DGKB: variants seen among roughly 807,000 people sequenced by gnomAD.
DGKB encodes diacylglycerol kinase beta.
In DGKB, 67 loss-of-function variants were observed where a neutral mutation model predicts 114.3. The observed-to-expected ratio is 0.59, with a 90% confidence interval of 0.48 to 0.72. The LOEUF is 0.72. Ranked by LOEUF, DGKB falls within the 30% of genes least tolerant of loss-of-function variation. The pLI, the probability that DGKB is intolerant of heterozygous loss-of-function variation, is 0.00. For synonymous variants in DGKB, 398 were observed against 323.1 expected (o/e 1.23, Z -2.49); for missense variants, 907 against 975.2 (o/e 0.93, Z 0.93).
At chr7:14,441,757 TTA>T (rs1830117998) in intron 21 of DGKB, among the ~76,000 whole-genome samples, 1 of 152,084 alleles carries the variant, frequency 6.6e-6, no homozygotes, top group African/African-American at 2.4e-5. Flanking sequence ...TTTTGTACTG[TTA>T]TATGTTTTTT....
chr7:14,365,069 G>A (rs17168100), intron 21 of DGKB, among the ~76,000 whole-genome samples: 660 of 150,682 alleles, frequency 4.4e-3, no homozygotes, highest in African/African-American at 9.8e-3. Context: ...GGTTTTTTAC[G>A]TCCTCCTAGA....
chr7:14,630,765 C>T (rs1024583274), intron 13 of DGKB, among the ~76,000 whole-genome samples: 2 of 151,802 alleles, frequency 1.3e-5, no homozygotes, highest in African/African-American at 4.8e-5. Flanking sequence ...AGAATAAAAA[C>T]TATAATTAAA....
intron 23 of DGKB, among the ~76,000 whole-genome samples, chr7:14,294,770 C>T (rs1345724609): frequency 1.3e-5 from 2 of 151,892 alleles, no homozygotes; most frequent in Admixed American, 1.3e-4. Context: ...ATGGGATGGC[C>T]CTGGGGATAT....
At chr7:14,490,560 G>C (rs1784458464) in intron 20 of DGKB, among the ~76,000 whole-genome samples, 1 of 152,110 alleles carries the variant, frequency 6.6e-6, no homozygotes, top group Admixed American at 6.6e-5. Flanking sequence ...CTTACTCACA[G>C]AAATGTGGAT....
intron 21 of DGKB, among the ~76,000 whole-genome samples, chr7:14,404,670 C>T (rs1402167371): frequency 6.6e-6 from 1 of 151,852 alleles, no homozygotes; most frequent in African/African-American, 2.4e-5. Flanking sequence ...TTCTGCATCA[C>T]CTCATCTTGC....
chr7:14,320,235 C>T (rs577673114), intron 23 of DGKB, among the ~76,000 whole-genome samples: 3 of 152,090 alleles, frequency 2.0e-5, no homozygotes, highest in Non-Finnish European at 4.4e-5. Context: ...CATGTCTGAT[C>T]CAGGTGTTCT....
intron 2 of DGKB, among the ~76,000 whole-genome samples, chr7:14,829,015 AAAATAG>A (rs1188148137): frequency 6.6e-6 from 1 of 152,116 alleles, no homozygotes; most frequent in Non-Finnish European, 1.5e-5. Flanking sequence ...ACCTAGAAAA[AAAATAG>A]AAATGGTTCA....
At chr7:14,766,599 AG>A (rs1237675416) in intron 2 of DGKB, among the ~76,000 whole-genome samples, 2 of 151,922 alleles carry the variant, frequency 1.3e-5, no homozygotes, top group African/African-American at 4.8e-5. Flanking sequence ...CCATTAGGAA[AG>A]CAATTATTTA....
At chr7:14,574,834 T>A (rs989502655) in intron 19 of DGKB, among the ~76,000 whole-genome samples, 1 of 152,220 alleles carries the variant, frequency 6.6e-6, no homozygotes. Context: ...TCTAGTGATA[T>A]AAAACTTTCA....
At chr7:14,598,589 T>TCATCAACTCTTTAA (rs1308559378) in intron 17 of DGKB, among the ~76,000 whole-genome samples, 1 of 152,218 alleles carries the variant, frequency 6.6e-6, no homozygotes, top group Admixed American at 6.5e-5. Flanking sequence ...ACACAGATTA[T>TCATCAACTCTTTAA]GTATTCATCA....
intron 21 of DGKB, among the ~76,000 whole-genome samples, chr7:14,406,827 G>A (rs1363618722): frequency 6.6e-6 from 1 of 152,102 alleles, no homozygotes; most frequent in Non-Finnish European, 1.5e-5. Flanking sequence ...ATTTTCTCAA[G>A]TGCTATTGCT....
At chr7:14,645,801 C>T (rs1016762834) in intron 13 of DGKB, among the ~76,000 whole-genome samples, 14 of 151,854 alleles carry the variant, frequency 9.2e-5, no homozygotes, top group African/African-American at 1.9e-4. Flanking sequence ...TGAGGGAATT[C>T]ATCATCACCA....
At chr7:14,963,724 C>A (rs555601311) in intron 1 of DGKB, among the ~76,000 whole-genome samples, 2 of 152,162 alleles carry the variant, frequency 1.3e-5, no homozygotes, top group Non-Finnish European at 2.9e-5. Context: ...TGTAGCGCTC[C>A]TGGTTTTAAG....
intron 1 of DGKB, among the ~76,000 whole-genome samples, chr7:14,964,513 T>C (rs374955269): frequency 6.6e-6 from 1 of 151,930 alleles, no homozygotes; most frequent in Admixed American, 6.6e-5. Context: ...AATAAATAAA[T>C]AAGATAAATG....
rs145042096 is a variant in DGKB, at chr7:14,743,395, T to A, written c.169-7201A>T. On this transcript the variant is annotated intron_variant, in intron 4 of 25. Transcript: ENST00000402815. The stretch of plus-strand genomic sequence containing the variant: ...TTTTCCCTATTTTAAAATTTTTGAG[T>A]CATCATTTTAACAAAATAACCAACT... Among the ~76,000 whole-genome samples, 483 of 152,262 alleles carry A rather than the reference T, an allele frequency of 3.2e-3. 4 individuals carry two copies. The highest frequency in any genetic ancestry group is 0.011 in the African/African-American group (459 of 41,550).
intron 21 of DGKB, among the ~76,000 whole-genome samples, chr7:14,471,783 A>G (rs1781447471): frequency 6.6e-6 from 1 of 152,138 alleles, no homozygotes; most frequent in Non-Finnish European, 1.5e-5. Flanking sequence ...AGATATATAG[A>G]AAAATATAGA....
At chr7:14,968,595 C>G (rs549932796) in intron 1 of DGKB, among the ~76,000 whole-genome samples, 1 of 152,206 alleles carries the variant, frequency 6.6e-6, no homozygotes, top group East Asian at 1.9e-4. Context: ...TTGAAGGAAC[C>G]TGAGTGTCAT....
At chr7:14,302,108 T>C (rs767342408) in intron 23 of DGKB, among the ~76,000 whole-genome samples, 5 of 152,066 alleles carry the variant, frequency 3.3e-5, no homozygotes, top group Non-Finnish European at 7.4e-5. Context: ...ATGGAATAAA[T>C]GTACCTAGAC....
chr7:14,454,571 G>A (rs999261304), intron 21 of DGKB, among the ~76,000 whole-genome samples: 17 of 151,980 alleles, frequency 1.1e-4, no homozygotes, highest in African/African-American at 4.1e-4. Flanking sequence ...TATGTGACAC[G>A]ATCTTTGCAT....
Sources: allele counts gnomAD v4.1 joint callset (sites outside exome capture counted in the v4.1 genomes callset), GRCh38; gene constraint gnomAD v4.1.1; transcripts MANE v1.5; gene names NCBI Gene and HGNC (gene_info 2026-07-23, HGNC 2026-07-21).